TRIM48: variants seen among roughly 807,000 people sequenced by gnomAD.
TRIM48 encodes E3 ubiquitin-protein ligase TRIM48.
In TRIM48, 31 loss-of-function variants were observed where a neutral mutation model predicts 29.5. The observed-to-expected ratio is 1.05, with a 90% confidence interval of 0.79 to 1.42. TRIM48 has a LOEUF of 1.42. TRIM48 is among the 40% of genes most tolerant of loss of function. TRIM48 has a pLI of 0.00. For synonymous variants in TRIM48, 128 were observed against 90.6 expected (o/e 1.41, Z -2.34); for missense variants, 344 against 265.0 (o/e 1.30, Z -2.07).
intron 3 of TRIM48, among the ~76,000 whole-genome samples, chr11:55,265,979 C>T (rs113239756): frequency 8.8e-5 from 13 of 147,560 alleles, no homozygotes; most frequent in African/African-American, 1.2e-4. Context: ...GGCCATCTCA[C>T]AGCATTCTAT....
intron 3 of TRIM48, chr11:55,267,757 G>T: frequency 7.0e-7 from 1 of 1,436,304 alleles, no homozygotes; most frequent in South Asian, 1.4e-5. Flanking sequence ...AAACACATTC[G>T]CATAACTAAT....
chr11:55,262,702 T>A (rs1857323173), intron 1 of TRIM48, among the ~76,000 whole-genome samples: 1 of 152,056 alleles, frequency 6.6e-6, no homozygotes, highest in Non-Finnish European at 1.5e-5. Context: ...TACACATAAC[T>A]TTAAATTAGT....
In TRIM48 at chr11:55,265,111, T is replaced by C. The variant is rs771106860; in HGVS notation, c.256T>C (p.Leu86=). ...GAGAAACCTCAAAACTAACATTCGA[T>C]TGAAGAAGATGGCTTCCCTTGCCAG... ...QQRNLKTNIR[L]KKMASLARKA... is the part of the protein sequence containing the mutation. Residue 86 remains leucine (L), a synonymous_variant, in exon 2 of 6, where the codon TTG becomes CTG. Coordinates refer to ENST00000417545, the MANE Select transcript of TRIM48 (RefSeq NM_024114.5). 2 of 1,582,822 alleles carry C rather than the reference T, an allele frequency of 1.3e-6. No homozygotes were observed. The highest frequency in any genetic ancestry group is 1.7e-6 in the Non-Finnish European group (2 of 1,166,136).
rs1185436514 is a variant in TRIM48 at position 55,267,548 on chromosome 11, G to A, written c.556-802G>A. ...TTTTCATCAACTTCATTTAAGTAAA[G>A]CCAAAATGGCTCATAGGAGGGAGAT... On this transcript the variant is annotated intron_variant, in intron 3 of 5. Coordinates refer to ENST00000417545, the MANE Select transcript of TRIM48 (RefSeq NM_024114.5). 6.4e-6 allele frequency: 10 copies of A among 1,571,678 alleles called. 2 individuals are homozygous for A. The East Asian group carries it at 1.7e-4, about 27-fold the overall frequency.
intron 4 of TRIM48, 141 bp from the exon 5 acceptor site, chr11:55,269,101 A>G: frequency 1.5e-6 from 2 of 1,313,822 alleles, no homozygotes; most frequent in East Asian, 2.9e-5. Context: ...ATAGAAATTA[A>G]TTCCAAAAAG....
rs978350084 is a variant in TRIM48, at chr11:55,265,441, G to A, written c.459+127G>A. On this transcript the variant is annotated intron_variant, in intron 2 of 5. Transcript: ENST00000417545. Reference sequence around the variant, plus strand: ...AGCAACTCTCTTTTGGGCTTTCTTAGCTTCAAACCTCTGAGATTTGACGAG... The same window carrying A: ...AGCAACTCTCTTTTGGGCTTTCTTAACTTCAAACCTCTGAGATTTGACGAG... The A allele has an allele frequency of 5.3e-6, 8 of 1,497,716 alleles. 2 individuals carry two copies. The highest frequency in any genetic ancestry group is 4.0e-5 in the South Asian group (3 of 75,522). 92.8% of individuals were successfully genotyped at this position (1,497,716 alleles called of 1,614,324 possible).
Position 55,267,564 on chromosome 11 carries a change from G to A in TRIM48, c.556-786G>A, listed in dbSNP as rs1481814965. 1.9e-5 allele frequency: 29 copies of A among 1,566,940 alleles called. 1 individual carries two copies. The highest frequency in any genetic ancestry group is 2.4e-5 in the Non-Finnish European group (28 of 1,154,054). On this transcript the variant is annotated intron_variant, in intron 3 of 5. Transcript: ENST00000417545. Reference sequence around the variant, plus strand: ...TTAAGTAAAGCCAAAATGGCTCATAGGAGGGAGATTTTTAAGAGGAATGTA... The same window carrying A: ...TTAAGTAAAGCCAAAATGGCTCATAAGAGGGAGATTTTTAAGAGGAATGTA...
rs552367374 is a variant in TRIM48, at chr11:55,266,466, G to A, written c.555+771G>A. The stretch of plus-strand genomic sequence containing the variant: ...AATTTGCCAGTATAGAAGAAAGAAA[G>A]CATCTTTGTCCTCACAAATCGTACA... On this transcript the variant is annotated intron_variant, in intron 3 of 5. Transcript: ENST00000417545. 1.8e-4 allele frequency among the ~76,000 whole-genome samples: 27 copies of A among 147,642 alleles called. 2 individuals are homozygous for A. Among genetic ancestry groups the A allele is most frequent in the African/African-American group, 6.4e-4 (26 of 40,486 alleles).
intron 1 of TRIM48, among the ~76,000 whole-genome samples, chr11:55,264,261 C>T (rs1462946261): frequency 6.8e-6 from 1 of 148,112 alleles, no homozygotes; most frequent in African/African-American, 2.5e-5. Context: ...TCTATTCAAC[C>T]TAAATTGGTT....
chr11:55,263,616 T>A (rs200109211), intron 1 of TRIM48, among the ~76,000 whole-genome samples: 1 of 152,068 alleles, frequency 6.6e-6, no homozygotes, highest in South Asian at 2.1e-4. Context: ...GAGCCGAGAT[T>A]GCACCACTGC....
At chr11:55,268,771 A>T (rs973541800) in intron 4 of TRIM48, among the ~76,000 whole-genome samples, 1 of 147,718 alleles carries the variant, frequency 6.8e-6, no homozygotes, top group Non-Finnish European at 1.5e-5. Flanking sequence ...AAATAGATTG[A>T]AAAAACTATG....
intron 1 of TRIM48, 90 bp downstream of exon 1, chr11:55,262,401 C>T: frequency 1.1e-6 from 1 of 904,304 alleles, no homozygotes; most frequent in Non-Finnish European, 1.8e-6. Context: ...TATCTTAAAT[C>T]TACACAATGA....
At chr11:55,267,341 A>G (rs903700429) in intron 3 of TRIM48, 13 of 1,463,810 alleles carry the variant, frequency 8.9e-6, no homozygotes, top group Non-Finnish European at 1.2e-5. Flanking sequence ...GACAAAAGGA[A>G]TCAGTGAGAT....
rs1190844304 is a variant in TRIM48 at position 55,268,443 on chromosome 11, G to A, written c.578+71G>A. On this transcript the variant is annotated intron_variant, in intron 4 of 5. Transcript: ENST00000417545. ...GAATATCAAAGCAGGCTCTACCAAA[G>A]TCATGGCATAAACGATTAAGATATT... 7.9e-6 allele frequency: 11 copies of A among 1,396,958 alleles called. 1 individual carries two copies. Among genetic ancestry groups the A allele is most frequent in the South Asian group, 1.4e-5 (1 of 73,924 alleles). 86.5% of individuals were successfully genotyped at this position (1,396,958 alleles called of 1,614,324 possible). A position where few individuals can be genotyped will look rare whatever the true frequency, so the allele number is the denominator to read the frequency against.
Position 55,265,191 on chromosome 11 carries a change from C to T in TRIM48, c.336C>T (p.His112=). The change falls in exon 2 of 6, where the codon CAC becomes CAT. Residue 112 remains histidine (H), a synonymous_variant. Transcript: ENST00000417545. ...LSSEEQMCGI[H]RETKKMFCEV... is the part of the protein sequence containing the mutation. ...CTGAGGAGCAAATGTGTGGCATTCA[C>T]AGGGAGACAAAGAAGATGTTCTGTG... The T allele has an allele frequency of 6.3e-7, 1 of 1,582,804 alleles. No individual in the cohort carries two copies. Among genetic ancestry groups the T allele is most frequent in the Non-Finnish European group, 8.6e-7 (1 of 1,166,194 alleles).
rs1475429327 is a variant in TRIM48 at position 55,265,230 on chromosome 11, C to T, written c.375C>T (p.Ser125=). 13 of 1,582,624 alleles carry T rather than the reference C, an allele frequency of 8.2e-6. 2 individuals are homozygous for T. The highest frequency in any genetic ancestry group is 3.6e-5 in the South Asian group (3 of 83,646). Residue 125 remains serine, a synonymous_variant, in exon 2 of 6, where the codon AGC becomes AGT. Transcript: ENST00000417545. ...TKKMFCEVDR[S]LLCLLCSSSQ... ...AGATGTTCTGTGAAGTGGACAGGAG[C>T]CTGCTCTGTTTGCTGTGCTCCAGCT... is the stretch of plus-strand genomic sequence containing the variant.
In TRIM48 at chr11:55,265,634, A is replaced by T. The variant is rs7129272; in HGVS notation, c.494A>T (p.Glu165Val). ...KLLKKMQSLW[E>V]KACENQRNLN... ...TTAAAGAAAATGCAGTCTTTATGGG[A>T]AAAAGCTTGTGAAAATCAGAGAAAC... The change falls in exon 3 of 6, where the codon GAA becomes GTA. Residue 165 changes from glutamate (E) to valine (V), a missense_variant. Coordinates refer to ENST00000417545, the MANE Select transcript of TRIM48 (RefSeq NM_024114.5). The T allele has an allele frequency of 7.0e-6, 11 of 1,579,536 alleles. 1 individual carries two copies. Among genetic ancestry groups the T allele is most frequent in the Non-Finnish European group, 6.9e-6 (8 of 1,163,338 alleles).
intron 1 of TRIM48, among the ~76,000 whole-genome samples, chr11:55,263,212 C>T (rs888781421): frequency 3.3e-5 from 5 of 152,142 alleles, no homozygotes; most frequent in Non-Finnish European, 7.3e-5. Context: ...ATAATTACCA[C>T]TGTGTTACAA....
At chr11:55,267,048 G>A (rs2120109850) in intron 3 of TRIM48, among the ~76,000 whole-genome samples, 1 of 147,986 alleles carries the variant, frequency 6.8e-6, no homozygotes, top group Non-Finnish European at 1.5e-5. Context: ...ACATATCTCA[G>A]AAATAGAAAT....
Sources: allele counts gnomAD v4.1 joint callset (sites outside exome capture counted in the v4.1 genomes callset), GRCh38; gene constraint gnomAD v4.1.1; transcripts MANE v1.5; gene names NCBI Gene and HGNC (gene_info 2026-07-23, HGNC 2026-07-21).